TAF8: variants seen among roughly 807,000 people sequenced by gnomAD.
The protein encoded by TAF8 is TATA-box binding protein associated factor 8, also known as transcription initiation factor TFIID subunit 8.
Under a neutral mutation model 36.5 loss-of-function variants are expected in TAF8, and 47 were observed. The ratio of observed to expected loss-of-function variants is 1.29; its 90% confidence interval spans 1.02 to 1.64. TAF8 has a LOEUF of 1.64. TAF8 is among the 40% of genes most tolerant of loss of function. The probability of loss-of-function intolerance (pLI) is 0.00; values close to 1 mark genes in which losing one functional copy is unlikely to be tolerated. For synonymous variants in TAF8, 175 were observed against 159.5 expected, an observed-to-expected ratio of 1.10 and a Z score of -0.73; for missense variants, 420 against 407.6, an observed-to-expected ratio of 1.03 and a Z score of -0.26.
intron 5 of TAF8, among the ~76,000 whole-genome samples, chr6:42,061,447 T>C (rs957104230): frequency 2.0e-5 from 3 of 152,204 alleles, no homozygotes; most frequent in Non-Finnish European, 4.4e-5. Flanking sequence ...TATTAGCACC[T>C]GTTAAATTTT....
intron 6 of TAF8, 95 bp from the exon 7 acceptor site, chr6:42,068,370 G>T (rs182581852): frequency 2.1e-4 from 297 of 1,386,098 alleles, no homozygotes; most frequent in Non-Finnish European, 2.5e-4. Context: ...TTATCTTCTG[G>T]TGCTGCTCAC....
chr6:42,087,068 C>G, downstream of TAF8: 1 of 420,232 alleles, frequency 2.4e-6, no homozygotes, highest in Non-Finnish European at 4.4e-6. Flanking sequence ...GTCTTGTGGC[C>G]TCGCCTGAAG....
intron 8 of TAF8, 72 bp downstream of exon 8, chr6:42,077,311 G>T: frequency 6.4e-7 from 1 of 1,553,786 alleles, no homozygotes; most frequent in East Asian, 2.3e-5. Flanking sequence ...TCTTGGAAGA[G>T]TCTCCTCAGT....
rs901670090 is a variant in TAF8, at chr6:42,079,901, C to T, written c.*2356C>T. ...TTGGTGAATTTGGAAACTTGAAAAACTTGGGGACTTGACAGCAGGCTCCAT... is the reference window on the plus strand; with the variant it reads ...TTGGTGAATTTGGAAACTTGAAAAATTTGGGGACTTGACAGCAGGCTCCAT... On this transcript the variant is annotated 3_prime_UTR_variant, in exon 9 of 9. Transcript: ENST00000372977. The T allele has an allele frequency of 4.1e-6, 4 of 985,000 alleles. No individual in the cohort carries two copies. In the African/African-American group the frequency reaches 7.0e-5, roughly 17 times the overall value. The allele number at this position is 985,000 out of a possible 1,614,324, so 61.0% of individuals were successfully genotyped here.
intron 7 of TAF8, among the ~76,000 whole-genome samples, chr6:42,069,713 G>C (rs1765493506): frequency 6.6e-6 from 1 of 152,174 alleles, no homozygotes; most frequent in African/African-American, 2.4e-5. Context: ...GAGCAGTTAG[G>C]GCAGGAGATG....
Position 42,051,390 on chromosome 6 carries a change from G to A in TAF8, c.79G>A (p.Asp27Asn), listed in dbSNP as rs1310581657. 1.9e-6 allele frequency: 3 copies of A among 1,613,992 alleles called. No homozygotes were observed. Among genetic ancestry groups the A allele is most frequent in the Non-Finnish European group, 2.5e-6 (3 of 1,180,002 alleles). Residue 27 changes from aspartate to asparagine, a missense_variant, in exon 2 of 9, where the codon GAT (aspartate) becomes AAT (asparagine). Transcript: ENST00000372977. Reference sequence around the variant, plus strand: ...AAGTAAACAGTCCACTAACCCTGCCGATAACTATCATCTGGCCCGGAGGAG... The same window carrying A: ...AAGTAAACAGTCCACTAACCCTGCCAATAACTATCATCTGGCCCGGAGGAG... ...SGSKQSTNPA[D>N]NYHLARRRTL...
Position 42,080,357 on chromosome 6 carries a change from TC to T in TAF8, c.*2813del. On this transcript the variant is annotated 3_prime_UTR_variant, in exon 9 of 9. Coordinates refer to ENST00000372977, the MANE Select transcript of TAF8 (RefSeq NM_138572.3). ...GCTGTTGAGATTTCAGAGGCTATAC[TC>T]TTTTTTTTTCTTTTCTTTTTTTTTT... 1 of 937,078 alleles carries T rather than the reference TC, an allele frequency of 1.1e-6. No individual in the cohort carries two copies. The highest frequency in any genetic ancestry group is 1.2e-6 in the Non-Finnish European group (1 of 814,136). 58.0% of individuals were successfully genotyped at this position (937,078 alleles called of 1,614,324 possible).
Position 42,050,538 on chromosome 6 carries a change from C to A in TAF8, c.-4C>A. On this transcript the variant is annotated 5_prime_UTR_variant, in exon 1 of 9. Coordinates refer to ENST00000372977, the MANE Select transcript of TAF8 (RefSeq NM_138572.3). ...CGCGCTCGCGCACACTACGCCAGAA[C>A]AAGATGGCCGACGCGGCGGCCACAG... 1 of 1,524,570 alleles carries A rather than the reference C, an allele frequency of 6.6e-7. No homozygotes were observed. Among genetic ancestry groups the A allele is most frequent in the Non-Finnish European group, 8.8e-7 (1 of 1,130,654 alleles). The allele number at this position is 1,524,570 out of a possible 1,614,324, so 94.4% of individuals were successfully genotyped here. A position where few individuals can be genotyped will look rare whatever the true frequency, so the allele number is the denominator to read the frequency against.
chr6:42,086,792 G>GGA, downstream of TAF8: 1 of 1,531,160 alleles, frequency 6.5e-7, no homozygotes, highest in Non-Finnish European at 8.9e-7. Context: ...TCGGTCACCA[G>GGA]GAGAGCAGCC....
chr6:42,068,259 G>A (rs1393012933), intron 6 of TAF8, among the ~76,000 whole-genome samples: 2 of 152,160 alleles, frequency 1.3e-5, no homozygotes, highest in Non-Finnish European at 2.9e-5. Flanking sequence ...GTGCCTAATC[G>A]TACTTAATAG....
chr6:42,061,720 T>C (rs541444650), intron 5 of TAF8, among the ~76,000 whole-genome samples: 1 of 152,204 alleles, frequency 6.6e-6, no homozygotes, highest in Non-Finnish European at 1.5e-5. Flanking sequence ...CCAAACACCA[T>C]TTCATATTTG....
intron 6 of TAF8, among the ~76,000 whole-genome samples, chr6:42,067,283 A>G (rs1765397298): frequency 6.6e-6 from 1 of 152,206 alleles, no homozygotes; most frequent in South Asian, 2.1e-4. Flanking sequence ...CAGTGGCGCA[A>G]TCTCTGCTCA....
chr6:42,051,595 T>C (rs1236878238), intron 2 of TAF8, 82 bp downstream of exon 2: 2 of 1,476,474 alleles, frequency 1.4e-6, no homozygotes, highest in Non-Finnish European at 1.8e-6. Flanking sequence ...TTTGAGAGGA[T>C]TTAAGAAACA....
At chr6:42,076,995 G>T (rs1257959630) in intron 7 of TAF8, 105 bp from the exon 8 acceptor site, 7 of 1,373,684 alleles carry the variant, frequency 5.1e-6, no homozygotes, top group Non-Finnish European at 6.9e-6. Flanking sequence ...TGCTTCCCAG[G>T]TTCTAATTTC....
chr6:42,070,073 C>G (rs539125331), intron 7 of TAF8, among the ~76,000 whole-genome samples: 3 of 151,918 alleles, frequency 2.0e-5, no homozygotes, highest in Non-Finnish European at 4.4e-5. Flanking sequence ...AGAATGAGAG[C>G]GAAGACCTGG....
intron 7 of TAF8, among the ~76,000 whole-genome samples, chr6:42,069,277 C>T (rs1306429534): frequency 6.6e-6 from 1 of 152,012 alleles, no homozygotes; most frequent in Non-Finnish European, 1.5e-5. Context: ...GGTCAGGATC[C>T]AAGGTAGGTT....
At chr6:42,072,280 T>C (rs1377456233) in intron 7 of TAF8, among the ~76,000 whole-genome samples, 1 of 152,194 alleles carries the variant, frequency 6.6e-6, no homozygotes, top group Non-Finnish European at 1.5e-5. Context: ...ACAAAGATTC[T>C]AGTGACAATT....
At position 42,050,592 on chromosome 6, in the gene TAF8, G is replaced by C. The variant is rs1349982953; in HGVS notation, c.45+6G>C. The C allele has an allele frequency of 6.4e-7, 1 of 1,550,408 alleles. No homozygotes were observed. Among genetic ancestry groups the C allele is most frequent in the South Asian group, 1.2e-5 (1 of 84,192 alleles). On this transcript the variant is annotated splice_donor_region_variant and intron_variant, in intron 1 of 8. Transcript: ENST00000372977. Reference sequence around the variant, plus strand: ...GGGCCGGTGGCTCCGGAACGGTAAGGGCAGGAAGCGCGGGCTCGGAGCCGA... The same window carrying C: ...GGGCCGGTGGCTCCGGAACGGTAAGCGCAGGAAGCGCGGGCTCGGAGCCGA...
intron 5 of TAF8, chr6:42,063,568 A>G (rs931164056): frequency 8.5e-5 from 13 of 152,070 alleles, no homozygotes; most frequent in African/African-American, 3.1e-4. Flanking sequence ...TCTGCTTTTT[A>G]TTTTTTGAAA....
Sources: allele counts gnomAD v4.1 joint callset (sites outside exome capture counted in the v4.1 genomes callset), GRCh38; gene constraint gnomAD v4.1.1; transcripts MANE v1.5; gene names NCBI Gene and HGNC (gene_info 2026-07-23, HGNC 2026-07-21).